The following ZFAT variants were observed in gnomAD, a reference collection of about 807,000 sequenced individuals.
The protein encoded by ZFAT is zinc finger protein ZFAT.
Under a neutral mutation model 117.7 loss-of-function variants are expected in ZFAT, and 64 were observed. The observed-to-expected ratio is 0.54, with a 90% CI of 0.44 to 0.67. The LOEUF (loss-of-function observed/expected upper bound fraction) is 0.67, where lower values mean the gene tolerates loss of function less well. ZFAT is among the 30% of genes least tolerant of loss of function. The pLI is 0.00. For missense variants in ZFAT, 1,433 were observed against 1,584.5 expected (o/e 0.90, Z 1.62); for synonymous variants, 679 against 615.0 (o/e 1.10, Z -1.54).
chr8:134,538,796 C>CA (rs35209102), intron 11 of ZFAT, among the ~76,000 whole-genome samples: 19,988 of 105,054 alleles, frequency 0.19, 1,663 homozygotes, highest in Admixed American at 0.3. Context: ...GACCCTGTCA[C>CA]AAAAAAAAAA....
intron 1 of ZFAT, among the ~76,000 whole-genome samples, chr8:134,661,860 G>C (rs995567108): frequency 6.6e-6 from 1 of 152,198 alleles, no homozygotes; most frequent in Non-Finnish European, 1.5e-5. Context: ...ACTAGGAGCA[G>C]GCAGCGCAAG....
In ZFAT at chr8:134,478,568, C is replaced by T; in HGVS notation, c.3646G>A (p.Glu1216Lys). 5.6e-6 allele frequency: 9 copies of T among 1,594,228 alleles called. No individual in the cohort carries two copies. Among genetic ancestry groups the T allele is most frequent in the South Asian group, 1.1e-5 (1 of 87,460 alleles). The change falls in exon 16 of 16, where the codon GAG becomes AAG. Residue 1216 changes from glutamate to lysine, a missense_variant. Coordinates refer to ENST00000377838, the MANE Select transcript of ZFAT (RefSeq NM_020863.4). The surrounding 1 kb of genome is among the most constrained non-coding windows in gnomAD (Gnocchi z 5.2). ...ACGTAGACGATGAACTCCGAGGCCT[C>T]CCCGCCCTGCGTGTAGACAGTCACC... ...ETVTVYTQGG[E>K]ASEFIVYVQE...
chr8:134,752,154 T>C, the ZFAT span, among the ~76,000 whole-genome samples: 2 of 152,210 alleles, frequency 1.3e-5, no homozygotes, highest in African/African-American at 4.8e-5. Flanking sequence ...CTGCTCACCT[T>C]TGCAGATCTC....
At chr8:134,818,583 T>G in the ZFAT span, among the ~76,000 whole-genome samples, 1 of 152,236 alleles carries the variant, frequency 6.6e-6, no homozygotes, top group African/African-American at 2.4e-5. Flanking sequence ...ATTCAGTCAT[T>G]CTACTCCTAG....
the ZFAT span, among the ~76,000 whole-genome samples, chr8:134,815,622 T>C: frequency 6.6e-6 from 1 of 152,246 alleles, no homozygotes; most frequent in South Asian, 2.1e-4. Context: ...ACTTCTCCAC[T>C]ACTTGCAATC....
intron 3 of ZFAT, among the ~76,000 whole-genome samples, chr8:134,613,603 C>T (rs1486292097): frequency 6.6e-6 from 1 of 152,122 alleles, no homozygotes; most frequent in African/African-American, 2.4e-5. Flanking sequence ...TCCACCCTAC[C>T]CGTTCCCAAT....
chr8:134,597,667 T>A (rs1827065410), intron 7 of ZFAT: 1 of 152,088 alleles, frequency 6.6e-6, no homozygotes, highest in African/African-American at 2.4e-5. Context: ...AGGGACCAGA[T>A]CCTACTTGAA....
the ZFAT span, among the ~76,000 whole-genome samples, chr8:134,746,405 C>A: frequency 1.3e-5 from 2 of 152,200 alleles, no homozygotes; most frequent in South Asian, 4.1e-4. Flanking sequence ...AAGACCATCA[C>A]CCACCTGATA....
At chr8:134,646,052 T>C (rs1156876154) in intron 2 of ZFAT, among the ~76,000 whole-genome samples, 2 of 145,888 alleles carry the variant, frequency 1.4e-5, no homozygotes, top group African/African-American at 2.5e-5. Context: ...AAAAAAAAAA[T>C]AGAAAAATTA....
At position 134,601,750 on chromosome 8, in the gene ZFAT, C is replaced by A. The variant is rs778370628; in HGVS notation, c.1969G>T (p.Gly657Trp). The change falls in exon 6 of 16, where the codon GGG becomes TGG. Residue 657 changes from glycine to tryptophan, a missense_variant. Coordinates refer to ENST00000377838, the MANE Select transcript of ZFAT (RefSeq NM_020863.4). Reference sequence around the variant, plus strand: ...GCTGAAAGCACAGCCATGTTCTGCCCTTCCCCTAGGGGGCTCTGGGCGCCA... The same window carrying A: ...GCTGAAAGCACAGCCATGTTCTGCCATTCCCCTAGGGGGCTCTGGGCGCCA... Reference protein sequence around the residue: ...SHGAQSPLGEGQNMAVLSAGD... With the variant: ...SHGAQSPLGEWQNMAVLSAGD... 22 of 1,613,546 alleles carry A rather than the reference C, an allele frequency of 1.4e-5. No homozygotes were observed. In the Middle Eastern group the frequency reaches 6.6e-4, roughly 48 times the overall value.
intron 2 of ZFAT, among the ~76,000 whole-genome samples, chr8:134,653,278 AAAAAAAAAAAAAAC>A (rs928698159): frequency 3.9e-5 from 5 of 128,704 alleles, no homozygotes; most frequent in Admixed American, 1.5e-4. Context: ...TTTAAAAAAA[AAAAAAAAAAAAAAC>A]AAAAAACAGG....
At chr8:134,637,316 T>C (rs780743356) in intron 3 of ZFAT, 145 bp downstream of exon 3, 21 of 1,056,056 alleles carry the variant, frequency 2.0e-5, no homozygotes, top group Admixed American at 1.4e-4. Flanking sequence ...TAGTCATCAT[T>C]AGGAAAATAA....
At chr8:134,779,202 A>G in the ZFAT span, among the ~76,000 whole-genome samples, 2,883 of 152,306 alleles carry the variant, frequency 0.019, 88 homozygotes, top group African/African-American at 0.066. Flanking sequence ...CATTCCCCGC[A>G]GGACAGTGAG....
At chr8:134,502,560 G>A (rs999163299) in intron 15 of ZFAT, among the ~76,000 whole-genome samples, 48 of 152,216 alleles carry the variant, frequency 3.2e-4, no homozygotes, top group African/African-American at 1.1e-3. Flanking sequence ...GCTGTATGCT[G>A]AGCCCAGGGT....
the ZFAT span, among the ~76,000 whole-genome samples, chr8:134,759,982 AAAAAAAAAC>A: frequency 6.7e-5 from 10 of 148,956 alleles, no homozygotes; most frequent in African/African-American, 7.5e-5. Context: ...AAAAAAAAAA[AAAAAAAAAC>A]AAACAGAGGC....
At chr8:134,530,625 C>T (rs1302398508) in intron 12 of ZFAT, among the ~76,000 whole-genome samples, 3 of 152,166 alleles carry the variant, frequency 2.0e-5, no homozygotes, top group Non-Finnish European at 4.4e-5. Context: ...GGGGGATAAA[C>T]ATATATACAT....
At chr8:134,705,199 C>T (rs1834116764) in intron 1 of ZFAT, among the ~76,000 whole-genome samples, 1 of 152,042 alleles carries the variant, frequency 6.6e-6, no homozygotes, top group South Asian at 2.1e-4. Context: ...TATGTATTTA[C>T]TTACCTATTT....
At chr8:134,712,810 CACCCCG>C in intron 1 of ZFAT, 29 bp downstream of exon 1, 1 of 1,024,536 alleles carries the variant, frequency 9.8e-7, no homozygotes, top group Non-Finnish European at 1.4e-6. Flanking sequence ...GCCCCACCCC[CACCCCG>C]TCTCACCCCA....
At chr8:134,699,556 A>G (rs1833957393) in intron 1 of ZFAT, among the ~76,000 whole-genome samples, 1 of 152,194 alleles carries the variant, frequency 6.6e-6, no homozygotes, top group South Asian at 2.1e-4. Context: ...CTGACGGCCC[A>G]GGTGCTCAAG....
Sources: allele counts gnomAD v4.1 joint callset (sites outside exome capture counted in the v4.1 genomes callset), GRCh38; gene constraint gnomAD v4.1.1; non-coding constraint Gnocchi (gnomAD v3.1); transcripts MANE v1.5; gene names NCBI Gene and HGNC (gene_info 2026-07-23, HGNC 2026-07-21).